The following PPM1H variants were observed in gnomAD, a reference collection of about 807,000 sequenced individuals.
PPM1H encodes protein phosphatase 1H.
In PPM1H, 27 loss-of-function variants were observed where a neutral mutation model predicts 54.9. That is an observed-to-expected ratio of 0.49 (90% confidence interval 0.36 to 0.68). The LOEUF (loss-of-function observed/expected upper bound fraction) is 0.68. PPM1H is among the 30% of genes least tolerant of loss of function. PPM1H has a pLI of 0.00. For synonymous variants in PPM1H, 305 were observed against 270.8 expected (o/e 1.13, Z -1.24); for missense variants, 596 against 667.8 (o/e 0.89, Z 1.19).
At chr12:62,714,614 C>T (rs866931121) in intron 6 of PPM1H, among the ~76,000 whole-genome samples, 17 of 151,378 alleles carry the variant, frequency 1.1e-4, no homozygotes, top group African/African-American at 3.9e-4. Flanking sequence ...GAAGTATTTA[C>T]GAGAGACCTA....
chr12:62,836,761 T>C (rs1159072566), intron 1 of PPM1H, among the ~76,000 whole-genome samples: 1 of 152,174 alleles, frequency 6.6e-6, no homozygotes, highest in African/African-American at 2.4e-5. Flanking sequence ...GTCTCCTCAA[T>C]ATGGAAAGTT....
intron 1 of PPM1H, among the ~76,000 whole-genome samples, chr12:62,869,719 G>T (rs932748960): frequency 1.3e-5 from 2 of 152,088 alleles, no homozygotes; most frequent in African/African-American, 4.8e-5. Flanking sequence ...CCGTAACCTG[G>T]CCTGAAACCG....
intron 4 of PPM1H, among the ~76,000 whole-genome samples, chr12:62,762,302 A>G (rs538038499): frequency 1.2e-4 from 19 of 152,302 alleles, no homozygotes; most frequent in African/African-American, 4.3e-4. Flanking sequence ...CCTGGCCATG[A>G]GCGTCAGAGG....
chr12:62,803,751 A>G (rs1288679545), intron 2 of PPM1H, among the ~76,000 whole-genome samples: 2 of 152,192 alleles, frequency 1.3e-5, no homozygotes, highest in African/African-American at 4.8e-5. Context: ...AATCAACAAA[A>G]CCAAAAGGTA....
At chr12:62,763,150 A>T (rs1360505995) in intron 4 of PPM1H, among the ~76,000 whole-genome samples, 1 of 152,100 alleles carries the variant, frequency 6.6e-6, no homozygotes, top group East Asian at 1.9e-4. Flanking sequence ...GATCAAGCAA[A>T]TGGTCTTTTC....
At chr12:62,829,757 C>A (rs1315777268) in intron 2 of PPM1H, among the ~76,000 whole-genome samples, 1 of 152,126 alleles carries the variant, frequency 6.6e-6, no homozygotes, top group African/African-American at 2.4e-5. Flanking sequence ...TTCTTAAGGA[C>A]AAGAAGTTAA....
Position 62,801,903 on chromosome 12 carries a change from G to C in PPM1H, c.669C>G (p.Ser223Arg), listed in dbSNP as rs2076772366. ...RGGVGAPGSP[S>R]TPPTRFFTEK... Reference sequence around the variant, plus strand: ...CGGTAAAGAAGCGTGTGGGGGGCGTGCTGGGGGAGCCCGGGGCCCCCACCC... The same window carrying C: ...CGGTAAAGAAGCGTGTGGGGGGCGTCCTGGGGGAGCCCGGGGCCCCCACCC... The change falls in exon 3 of 10, where the codon AGC becomes AGG. Residue 223 changes from serine to arginine, a missense_variant. Coordinates refer to ENST00000228705, the MANE Select transcript of PPM1H (RefSeq NM_020700.2). The C allele has an allele frequency of 1.2e-6, 2 of 1,613,716 alleles. No individual in the cohort carries two copies. Among genetic ancestry groups the C allele is most frequent in the South Asian group, 2.2e-5 (2 of 91,084 alleles).
intron 1 of PPM1H, among the ~76,000 whole-genome samples, chr12:62,877,820 A>G (rs1365903334): frequency 6.6e-6 from 1 of 152,198 alleles, no homozygotes; most frequent in African/African-American, 2.4e-5. Context: ...CTCCCAGTCA[A>G]TGACTATTAT....
intron 4 of PPM1H, among the ~76,000 whole-genome samples, chr12:62,739,405 G>A (rs973352237): frequency 5.9e-5 from 9 of 152,130 alleles, no homozygotes; most frequent in Admixed American, 2.0e-4. Flanking sequence ...GAAAGGGGGC[G>A]GGGTCAGGAA....
intron 1 of PPM1H, among the ~76,000 whole-genome samples, chr12:62,861,939 A>T (rs1048283149): frequency 3.3e-5 from 5 of 152,256 alleles, no homozygotes; most frequent in African/African-American, 1.2e-4. Flanking sequence ...TGAAAATACA[A>T]TGTGGGCCAA....
intron 4 of PPM1H, chr12:62,756,257 C>A (rs747908618): frequency 2.9e-6 from 2 of 701,030 alleles, no homozygotes; most frequent in African/African-American, 3.5e-5. Flanking sequence ...CCAACCCCAG[C>A]GAGAGCGAGA....
intron 4 of PPM1H, among the ~76,000 whole-genome samples, chr12:62,748,529 AACACACACACACACACACACAC>A (rs3052402): frequency 2.7e-5 from 4 of 147,290 alleles, no homozygotes; most frequent in Non-Finnish European, 6.0e-5. Context: ...TTCAGTGTAG[AACACACACACACACACACACAC>A]ACACACACAC....
chr12:62,774,151 CAATT>C (rs2076595619), intron 4 of PPM1H, among the ~76,000 whole-genome samples: 1 of 152,138 alleles, frequency 6.6e-6, no homozygotes, highest in Non-Finnish European at 1.5e-5. Context: ...CCCTTGAAAT[CAATT>C]AGTAAGATCC....
chr12:62,756,161 C>G, intron 4 of PPM1H: 1 of 848,220 alleles, frequency 1.2e-6, no homozygotes, highest in East Asian at 2.6e-5. Context: ...AGCTCATTTC[C>G]TGGTATGACA....
At chr12:62,789,570 C>G (rs992488842) in intron 3 of PPM1H, among the ~76,000 whole-genome samples, 2 of 152,204 alleles carry the variant, frequency 1.3e-5, no homozygotes, top group Admixed American at 1.3e-4. Context: ...AATGGTAAAA[C>G]GTTTATAATA....
intron 3 of PPM1H, among the ~76,000 whole-genome samples, chr12:62,796,965 C>G (rs2076737939): frequency 1.3e-5 from 2 of 152,142 alleles, no homozygotes; most frequent in Non-Finnish European, 2.9e-5. Context: ...GGGCTGCCAG[C>G]CACCAGTCAT....
chr12:62,852,055 C>T (rs556878935), intron 1 of PPM1H, among the ~76,000 whole-genome samples: 1 of 151,544 alleles, frequency 6.6e-6, no homozygotes, highest in African/African-American at 2.4e-5. Flanking sequence ...ATGGTGAAAC[C>T]CTGTCTCTAC....
At chr12:62,692,335 A>G (rs577202080) in intron 7 of PPM1H, among the ~76,000 whole-genome samples, 8 of 152,218 alleles carry the variant, frequency 5.3e-5, no homozygotes, top group Non-Finnish European at 8.8e-5. Context: ...GAAATGCTTG[A>G]GGAACATGAT....
intron 8 of PPM1H, 34 bp downstream of exon 8, chr12:62,689,665 T>C (rs1386799078): frequency 1.3e-6 from 2 of 1,552,986 alleles, no homozygotes; most frequent in East Asian, 2.3e-5. Flanking sequence ...AATGTTTTAT[T>C]GCACAAAATA....
Sources: gnomAD v4.1 joint callset for allele counts (sites outside exome capture counted in the v4.1 genomes callset) on GRCh38, gnomAD v4.1.1 for gene constraint, MANE v1.5 for transcripts, NCBI Gene and HGNC (gene_info 2026-07-23, HGNC 2026-07-21) for gene names.